Variants in SLC6A14 observed in about 807,000 individuals in gnomAD.
SLC6A14 encodes the protein sodium- and chloride-dependent neutral and basic amino acid transporter B(0+).
A neutral mutation model predicts 51.4 loss-of-function variants in SLC6A14; 21 were observed. That is an observed-to-expected ratio of 0.41 (90% CI 0.29 to 0.59). The LOEUF (loss-of-function observed/expected upper bound fraction) is 0.59. SLC6A14 is among the 20% of genes least tolerant of loss of function. The pLI is 0.31. For synonymous variants in SLC6A14, 177 were observed against 160.7 expected (o/e 1.10, Z -0.77); for missense variants, 371 against 472.8 (o/e 0.78, Z 2.00).
At chrX:116,450,238 A>G in intron 7 of SLC6A14, among the ~76,000 whole-genome samples, 1 of 111,814 alleles carries the variant, frequency 8.9e-6, no homozygotes, top group Non-Finnish European at 1.9e-5. Flanking sequence ...TGGAGGAAAA[A>G]AAATCAACAT....
chrX:116,445,781 A>G (rs1317645987), intron 6 of SLC6A14, among the ~76,000 whole-genome samples: 1 of 111,468 alleles, frequency 9.0e-6, no homozygotes, highest in Non-Finnish European at 1.9e-5. Flanking sequence ...TGTGTTTTTA[A>G]CTAGTCAATG....
At chrX:116,438,046 T>G in intron 2 of SLC6A14, 91 bp downstream of exon 2, 1 of 709,273 alleles carries the variant, frequency 1.4e-6, no homozygotes, top group Non-Finnish European at 2.1e-6. Context: ...TTTTACGAGT[T>G]GAAGGAAGGC....
intron 5 of SLC6A14, 108 bp from the exon 6 acceptor site, chrX:116,444,810 G>C: frequency 2.5e-6 from 2 of 787,513 alleles, no homozygotes; most frequent in Admixed American, 5.1e-5. Context: ...ATATTAATAA[G>C]ATACAATATT....
intron 9 of SLC6A14, among the ~76,000 whole-genome samples, chrX:116,453,353 T>C (rs1556694533): frequency 9.0e-6 from 1 of 111,242 alleles, no homozygotes; most frequent in Non-Finnish European, 1.9e-5. Context: ...CATACTTGTT[T>C]CAGATATTTT....
intron 8 of SLC6A14, among the ~76,000 whole-genome samples, chrX:116,452,187 AATTTTGTTT>A (rs1482060298): frequency 1.8e-5 from 2 of 111,448 alleles, no homozygotes; most frequent in Non-Finnish European, 3.8e-5. Flanking sequence ...GCTTCATTAA[AATTTTGTTT>A]ATGTTTTTAG....
At chrX:116,442,932 G>A in intron 4 of SLC6A14, 84 bp downstream of exon 4, 3 of 665,982 alleles carry the variant, frequency 4.5e-6, no homozygotes, top group Middle Eastern at 5.2e-4. Flanking sequence ...AAGCAACTTA[G>A]GTACAATTTT....
At chrX:116,440,008 A>T (rs1030787304) in intron 2 of SLC6A14, among the ~76,000 whole-genome samples, 1 of 111,765 alleles carries the variant, frequency 8.9e-6, no homozygotes, top group Non-Finnish European at 1.9e-5. Flanking sequence ...AAACTGTAAC[A>T]TGAGTAAATT....
At position 116,457,453 on chromosome X, in the gene SLC6A14, C is replaced by A. The variant is rs1411678718; in HGVS notation, c.1615-156C>A. 3.6e-5 allele frequency among the ~76,000 whole-genome samples: 4 copies of A among 111,461 alleles called. No individual in the cohort carries two copies. In the Admixed American group the frequency reaches 3.8e-4, roughly 11 times the overall value. Reference sequence around the variant, plus strand: ...ATTTTGGTTCATTCCATATTGTTATCTTCTGGCTTGTTACCTGATTATTTC... The same window carrying A: ...ATTTTGGTTCATTCCATATTGTTATATTCTGGCTTGTTACCTGATTATTTC... On this transcript the variant is annotated intron_variant, in intron 12 of 13. Transcript: ENST00000598581.
intron 6 of SLC6A14, among the ~76,000 whole-genome samples, chrX:116,446,333 T>C (rs1236061828): frequency 2.7e-5 from 3 of 111,917 alleles, no homozygotes; most frequent in Admixed American, 1.9e-4. Flanking sequence ...TCCTTTTCTT[T>C]GAAGACTGAA....
Position 116,442,852 on chromosome X carries a change from A to C in SLC6A14, c.508+4A>C. 1 of 1,156,390 alleles carries C rather than the reference A, an allele frequency of 8.6e-7. No individual in the cohort carries two copies. Among genetic ancestry groups the C allele is most frequent in the Non-Finnish European group, 1.2e-6 (1 of 866,079 alleles). ...AACTGTAGCAGATCACCAATAGGTA[A>C]AATTTGTCAACACCCAAATAGTTCT... On this transcript the variant is annotated splice_donor_region_variant and intron_variant, in intron 4 of 13. Transcript: ENST00000598581.
intron 9 of SLC6A14, 31 bp from the exon 10 acceptor site, chrX:116,454,293 C>T: frequency 1.1e-6 from 1 of 879,039 alleles, no homozygotes; most frequent in Non-Finnish European, 1.7e-6. Context: ...AATAAGTTGA[C>T]ATATAACATG....
intron 5 of SLC6A14, among the ~76,000 whole-genome samples, chrX:116,444,146 A>G (rs1927657328): frequency 8.9e-6 from 1 of 112,296 alleles, no homozygotes; most frequent in Admixed American, 9.5e-5. Flanking sequence ...GGTGATGAGT[A>G]ATATTGCTAT....
Position 116,437,968 on chromosome X carries a change from A to ACGGGGGCGC in SLC6A14, c.214+14_214+15insGGGGGCGCC. The ACGGGGGCGC allele has an allele frequency of 8.9e-7, 1 of 1,122,184 alleles. No individual in the cohort carries two copies. The highest frequency in any genetic ancestry group is 1.2e-6 in the Non-Finnish European group (1 of 840,402). 92.5% of individuals were successfully genotyped at this position (1,122,184 alleles called of 1,213,427 possible). A position where few individuals can be genotyped will look rare whatever the true frequency, so the allele number is the denominator to read the frequency against. ...AGCAATGGTGGAGGTATTCTATTTC[A>ACGGGGGCGC]CCCCCACCCTCCCACCCCCGCTTTT... On this transcript the variant is annotated intron_variant, in intron 2 of 13. Coordinates refer to ENST00000598581, the MANE Select transcript of SLC6A14 (RefSeq NM_007231.5).
At chrX:116,453,449 A>G (rs1239928836) in intron 9 of SLC6A14, among the ~76,000 whole-genome samples, 1 of 110,724 alleles carries the variant, frequency 9.0e-6, no homozygotes, top group Non-Finnish European at 1.9e-5. Context: ...AACTCTTACC[A>G]TAGATTGTGT....
chrX:116,443,453 C>T (rs1474462319), intron 4 of SLC6A14, among the ~76,000 whole-genome samples, 190 bp from the exon 5 acceptor site: 1 of 111,487 alleles, frequency 9.0e-6, no homozygotes, highest in East Asian at 2.8e-4. Context: ...GTAATCCCTC[C>T]TAGTTTAGTA....
At chrX:116,456,702 TGTAAA>T (rs1326389091) in intron 12 of SLC6A14, among the ~76,000 whole-genome samples, 1 of 111,644 alleles carries the variant, frequency 9.0e-6, no homozygotes, top group African/African-American at 3.2e-5. Flanking sequence ...TCATAGTAAC[TGTAAA>T]GTATATTTAA....
chrX:116,457,952 T>C (rs1014350829), intron 13 of SLC6A14, among the ~76,000 whole-genome samples, 176 bp downstream of exon 13: 1 of 111,708 alleles, frequency 9.0e-6, no homozygotes, highest in African/African-American at 3.2e-5. Flanking sequence ...CATGGTATTT[T>C]ATTATTTATA....
intron 12 of SLC6A14, among the ~76,000 whole-genome samples, chrX:116,456,285 C>T (rs1556694794): frequency 2.2e-4 from 24 of 110,374 alleles, no homozygotes; most frequent in Non-Finnish European, 1.9e-5. Context: ...TAATTCTATG[C>T]AGGATTTCCT....
rs781981611 is a variant in SLC6A14, at chrX:116,443,675, G to A, written c.541G>A (p.Gly181Arg). The A allele has an allele frequency of 1.7e-6, 2 of 1,192,112 alleles. No individual in the cohort carries two copies. The highest frequency in any genetic ancestry group is 2.3e-6 in the Non-Finnish European group (2 of 882,731). Residue 181 changes from glycine (G) to arginine (R), a missense_variant, in exon 5 of 14, where the codon GGA (glycine) becomes AGA (arginine). Physicochemically the swap from Gly to Arg is moderately radical, Grantham distance 125 (BLOSUM62 -2). This residue lies in a region of SLC6A14 where 277 missense variants were observed against 391.8 expected (regional missense o/e 0.71). Coordinates refer to ENST00000598581, the MANE Select transcript of SLC6A14 (RefSeq NM_007231.5). ...CTGTAATGTGAGTACAGTGAATAAA[G>A]GAATACAAGAGATCATCCAAATGAA... ...THCNVSTVNK[G>R]IQEIIQMNKS...
Sources: gnomAD v4.1 joint callset for allele counts (sites outside exome capture counted in the v4.1 genomes callset) on GRCh38, gnomAD v4.1.1 for gene constraint, gnomAD v4.1.1 regional missense constraint, MANE v1.5 for transcripts, NCBI Gene and HGNC (gene_info 2026-07-23, HGNC 2026-07-21) for gene names.